The following PPP1R12A variants were observed in gnomAD, a reference collection of about 807,000 sequenced individuals.
PPP1R12A encodes the protein protein phosphatase 1 regulatory subunit 12A.
In PPP1R12A, 19 loss-of-function variants were observed where a neutral mutation model predicts 139.6. The observed-to-expected ratio is 0.14, with a 90% confidence interval of 0.09 to 0.20. PPP1R12A has a LOEUF of 0.20. PPP1R12A is among the 10% of genes least tolerant of loss of function. The probability of loss-of-function intolerance (pLI) is 1.00; values close to 1 mark genes in which losing one functional copy is unlikely to be tolerated. For synonymous variants in PPP1R12A, 427 were observed against 420.6 expected, an observed-to-expected ratio of 1.02 and a Z score of -0.19; for missense variants, 925 against 1,211.5, an observed-to-expected ratio of 0.76 and a Z score of 3.51.
rs138039060 is a variant in PPP1R12A, at chr12:79,880,387, TAAAC to T, written c.238-7453_238-7450del. Among the ~76,000 whole-genome samples the T allele has an allele frequency of 9.5e-3, 1,439 of 152,258 alleles. 26 individuals carry two copies. Among genetic ancestry groups the T allele is most frequent in the African/African-American group, 0.033 (1,359 of 41,542 alleles). ...CTGCTGATTTTAAAAGTTCATGGAA[TAAAC>T]AAACAGTCAGTCAACCAGTGGTAGA... On this transcript the variant is annotated intron_variant, in intron 1 of 24. Transcript: ENST00000450142.
At chr12:79,927,962 A>T (rs777822833) in intron 1 of PPP1R12A, among the ~76,000 whole-genome samples, 5 of 152,250 alleles carry the variant, frequency 3.3e-5, no homozygotes, top group Non-Finnish European at 7.3e-5. Context: ...TTGCAGGCAG[A>T]GGCAATGAAA....
At chr12:79,852,122 TATTA>T (rs1468100831) in intron 2 of PPP1R12A, among the ~76,000 whole-genome samples, 12 of 152,126 alleles carry the variant, frequency 7.9e-5, no homozygotes, top group Admixed American at 6.5e-4. Context: ...TGTTCATCTC[TATTA>T]ATTGTCTTTT....
intron 2 of PPP1R12A, among the ~76,000 whole-genome samples, chr12:79,856,574 G>A (rs931177920): frequency 5.9e-5 from 9 of 152,014 alleles, no homozygotes; most frequent in African/African-American, 9.7e-5. Context: ...CTAAGACTTC[G>A]AACTGTCTTT....
intron 2 of PPP1R12A, among the ~76,000 whole-genome samples, chr12:79,866,054 C>T (rs1473517551): frequency 6.6e-6 from 1 of 152,152 alleles, no homozygotes; most frequent in African/African-American, 2.4e-5. Context: ...CATCACACTA[C>T]CTGACTTCCA....
At chr12:79,895,332 A>C (rs1306625812) in intron 1 of PPP1R12A, among the ~76,000 whole-genome samples, 2 of 152,176 alleles carry the variant, frequency 1.3e-5, no homozygotes, top group East Asian at 1.9e-4. Context: ...GGAAAAAAAA[A>C]CAGGAGAAAC....
chr12:79,788,632 T>C lies in PPP1R12A; in HGVS notation c.2802+16A>G, dbSNP rs184458345. The C allele has an allele frequency of 5.1e-5, 81 of 1,588,644 alleles. No individual in the cohort carries two copies. Among genetic ancestry groups the C allele is most frequent in the Admixed American group, 1.1e-4 (6 of 53,724 alleles). On this transcript the variant is annotated intron_variant, in intron 21 of 24. Coordinates refer to ENST00000450142, the MANE Select transcript of PPP1R12A (RefSeq NM_002480.3). ...AAGATAACTTTTTATTAAATATAAC[T>C]AAATAACCCAAGTACCTTTTTAAAG...
chr12:79,869,235 G>A (rs555410792), intron 2 of PPP1R12A, among the ~76,000 whole-genome samples: 27 of 152,270 alleles, frequency 1.8e-4, no homozygotes, highest in African/African-American at 6.5e-4. Context: ...CTTCTATTAC[G>A]CTACAGACCA....
At chr12:79,799,736 G>C (rs1872878281) in intron 14 of PPP1R12A, among the ~76,000 whole-genome samples, 1 of 152,128 alleles carries the variant, frequency 6.6e-6, no homozygotes, top group Non-Finnish European at 1.5e-5. Flanking sequence ...AGGGCTGGGT[G>C]TGGTGGGTCA....
chr12:79,775,917 CTT>C lies in PPP1R12A; in HGVS notation c.*10_*11del, dbSNP rs369362742. On this transcript the variant is annotated 3_prime_UTR_variant, in exon 25 of 25. Coordinates refer to ENST00000450142, the MANE Select transcript of PPP1R12A (RefSeq NM_002480.3). ...ATATGTGCAATTCCATTACTTGCTG[CTT>C]TTTTTTTTTTTATTTGGAAAGTTTG... 4,361 of 1,262,814 alleles carry C rather than the reference CTT, an allele frequency of 3.5e-3. No individual in the cohort carries two copies. The highest frequency in any genetic ancestry group is 7.7e-3 in the South Asian group (539 of 69,688). 78.2% of individuals were successfully genotyped at this position (1,262,814 alleles called of 1,614,324 possible).
At chr12:79,782,374 A>G (rs1206412234) in intron 22 of PPP1R12A, 1 of 243,758 alleles carries the variant, frequency 4.1e-6, no homozygotes, top group Non-Finnish European at 8.3e-6. Context: ...TTCTTTTCCA[A>G]TCATCCATGC....
At chr12:79,823,463 A>G (rs983173880) in intron 5 of PPP1R12A, among the ~76,000 whole-genome samples, 2 of 152,196 alleles carry the variant, frequency 1.3e-5, no homozygotes, top group African/African-American at 4.8e-5. Context: ...CAACATCAGG[A>G]TGTTAACATG....
chr12:79,824,241 A>T (rs1432341051), intron 5 of PPP1R12A, among the ~76,000 whole-genome samples: 1 of 152,208 alleles, frequency 6.6e-6, no homozygotes, highest in Non-Finnish European at 1.5e-5. Flanking sequence ...TTACATAATC[A>T]GTTCTAAAAT....
In PPP1R12A at chr12:79,828,327, T is replaced by C; in HGVS notation, c.785A>G (p.Asn262Ser). 1.2e-6 allele frequency: 2 copies of C among 1,608,208 alleles called. No homozygotes were observed. The highest frequency in any genetic ancestry group is 1.7e-6 in the Non-Finnish European group (2 of 1,176,724). ...TACGTTTAAAACGCCTACCACTTTGTTGACCATCTCCATATCACACAGATT... is the reference window on the plus strand; with the variant it reads ...TACGTTTAAAACGCCTACCACTTTGCTGACCATCTCCATATCACACAGATT... Reference protein sequence around the residue: ...VDNLCDMEMVNKVGQTAFDVA... With the variant: ...VDNLCDMEMVSKVGQTAFDVA... The change falls in exon 5 of 25, where the codon AAC becomes AGC. Residue 262 changes from asparagine to serine, a missense_variant. Physicochemically the swap from Asn to Ser is conservative, Grantham distance 46 (BLOSUM62 1). Coordinates refer to ENST00000450142, the MANE Select transcript of PPP1R12A (RefSeq NM_002480.3).
Position 79,796,718 on chromosome 12 carries a change from G to C in PPP1R12A, c.2461+64C>G, listed in dbSNP as rs190049637. ...TCCTTTACTGTTGAATTATTATTTAGGAAACCCTAATCCAAAGGATTATAT... is the reference window on the plus strand; with the variant it reads ...TCCTTTACTGTTGAATTATTATTTACGAAACCCTAATCCAAAGGATTATAT... On this transcript the variant is annotated intron_variant, in intron 17 of 24. Transcript: ENST00000450142. The C allele has an allele frequency of 5.0e-5, 65 of 1,310,448 alleles. No homozygotes were observed. In the African/African-American group the frequency reaches 9.1e-4, roughly 18 times the overall value. The allele number at this position is 1,310,448 out of a possible 1,614,324, so 81.2% of individuals were successfully genotyped here.
At chr12:79,812,026 T>C (rs149589129) in intron 9 of PPP1R12A, among the ~76,000 whole-genome samples, 1 of 152,224 alleles carries the variant, frequency 6.6e-6, no homozygotes, top group Non-Finnish European at 1.5e-5. Context: ...CTCAGCTAAG[T>C]GCTTCACATG....
chr12:79,886,908 T>C (rs1285508425), intron 1 of PPP1R12A, among the ~76,000 whole-genome samples: 1 of 152,140 alleles, frequency 6.6e-6, no homozygotes, highest in African/African-American at 2.4e-5. Context: ...AAGTAGTACA[T>C]TGAACCTAGA....
intron 1 of PPP1R12A, among the ~76,000 whole-genome samples, chr12:79,875,833 A>G (rs1178568416): frequency 6.6e-6 from 1 of 152,232 alleles, no homozygotes; most frequent in African/African-American, 2.4e-5. Context: ...CATCCCCTTA[A>G]AAGAGGCTTA....
At chr12:79,815,592 T>C (rs1371226892) in intron 9 of PPP1R12A, among the ~76,000 whole-genome samples, 2 of 151,372 alleles carry the variant, frequency 1.3e-5, no homozygotes, top group African/African-American at 2.4e-5. Flanking sequence ...TCTGATAACA[T>C]TATAGTCTAA....
intron 1 of PPP1R12A, among the ~76,000 whole-genome samples, chr12:79,888,254 C>A (rs530546199): frequency 1.7e-4 from 26 of 152,136 alleles, no homozygotes; most frequent in African/African-American, 6.0e-4. Flanking sequence ...AGTACTTAAC[C>A]AATATTTGGG....
Sources: allele counts gnomAD v4.1 joint callset (sites outside exome capture counted in the v4.1 genomes callset), GRCh38; gene constraint gnomAD v4.1.1; transcripts MANE v1.5; gene names NCBI Gene and HGNC (gene_info 2026-07-23, HGNC 2026-07-21).